The following CUX2 variants were observed in gnomAD, a reference collection of about 807,000 sequenced individuals.
The protein encoded by CUX2 is homeobox protein cut-like 2.
Under a neutral mutation model 144.8 loss-of-function variants are expected in CUX2, and 40 were observed. The observed-to-expected ratio is 0.28, with a 90% CI of 0.21 to 0.36. The LOEUF is 0.36. Ranked by LOEUF, CUX2 falls within the 10% of genes least tolerant of loss-of-function variation. The pLI is 1.00. For synonymous variants in CUX2, 827 were observed against 875.6 expected (o/e 0.94, Z 0.98); for missense variants, 1,615 against 1,994.0 (o/e 0.81, Z 3.62).
At chr12:111,136,641 G>A (rs1046945201) in intron 1 of CUX2, among the ~76,000 whole-genome samples, 4 of 152,166 alleles carry the variant, frequency 2.6e-5, no homozygotes, top group Admixed American at 6.5e-5. Context: ...TTGATGTAGC[G>A]TCCCATGGTT....
chr12:111,053,925 C>T (rs1261102358), intron 1 of CUX2, among the ~76,000 whole-genome samples: 1 of 152,174 alleles, frequency 6.6e-6, no homozygotes, highest in Non-Finnish European at 1.5e-5. Flanking sequence ...GAGGCCACGG[C>T]GGGTGGATCA....
At chr12:111,044,129 G>A (rs1869884376) in intron 1 of CUX2, among the ~76,000 whole-genome samples, 2 of 152,300 alleles carry the variant, frequency 1.3e-5, no homozygotes, top group South Asian at 4.2e-4. Context: ...GGCAGGTGCA[G>A]GTGTTGACCC....
At chr12:111,159,643 C>T (rs1877623401) in intron 1 of CUX2, among the ~76,000 whole-genome samples, 1 of 152,202 alleles carries the variant, frequency 6.6e-6, no homozygotes, top group African/African-American at 2.4e-5. Flanking sequence ...GAACTTCCAG[C>T]CCCCTTCCGG....
chr12:111,228,508 C>T (rs755792044), intron 3 of CUX2, among the ~76,000 whole-genome samples: 2 of 152,156 alleles, frequency 1.3e-5, no homozygotes, highest in Non-Finnish European at 2.9e-5. Flanking sequence ...ACTGCAACCT[C>T]CACCTCCCAG....
At chr12:111,175,348 T>A (rs981066708) in intron 1 of CUX2, among the ~76,000 whole-genome samples, 1 of 151,174 alleles carries the variant, frequency 6.6e-6, no homozygotes, top group Admixed American at 6.6e-5. Context: ...CACCTTTTTT[T>A]TTTTTTTTTT....
intron 1 of CUX2, among the ~76,000 whole-genome samples, chr12:111,063,882 A>T (rs1296805192): frequency 6.6e-6 from 1 of 152,222 alleles, no homozygotes; most frequent in Non-Finnish European, 1.5e-5. Flanking sequence ...TCATTGTGAA[A>T]AATTGGGTAA....
rs773813111 is a variant in CUX2, at chr12:111,295,384, G to A, written c.612G>A (p.Glu204=). The change falls in exon 7 of 22, where the codon GAG becomes GAA. Residue 204 remains glutamate (E), a synonymous_variant. Transcript: ENST00000261726. This position sits in a 1 kb window ranked among gnomAD's most constrained non-coding sequence, Gnocchi z 5.0. ...TGGCGGCCAGACTGGGGGAGGCAGA[G>A]GAGAAAATCAAAGTCCTACATTCAG... ...ITLAARLGEA[E]EKIKVLHSAL... 42 of 1,612,596 alleles carry A rather than the reference G, an allele frequency of 2.6e-5. No homozygotes were observed. The highest frequency in any genetic ancestry group is 5.3e-5 in the African/African-American group (4 of 74,912).
chr12:111,179,515 G>C (rs999070267), intron 1 of CUX2, among the ~76,000 whole-genome samples: 1 of 152,156 alleles, frequency 6.6e-6, no homozygotes. Flanking sequence ...CCTACTTCAT[G>C]GTGGTGTTGA....
At chr12:111,332,025 G>T (rs1041005466) in intron 18 of CUX2, among the ~76,000 whole-genome samples, 1 of 150,884 alleles carries the variant, frequency 6.6e-6, no homozygotes, top group Non-Finnish European at 1.5e-5. Flanking sequence ...GTTGCAGTGC[G>T]CCAAGATCAT....
At chr12:111,273,414 G>A (rs1884718921) in intron 4 of CUX2, among the ~76,000 whole-genome samples, 1 of 152,166 alleles carries the variant, frequency 6.6e-6, no homozygotes, top group South Asian at 2.1e-4. Flanking sequence ...ACACAGCAGA[G>A]AAGTGACGGA....
rs1309990234 is a variant in CUX2, at chr12:111,171,776, C to T, written c.64-42424C>T. On this transcript the variant is annotated intron_variant, in intron 1 of 21. Coordinates refer to ENST00000261726, the MANE Select transcript of CUX2 (RefSeq NM_015267.4). This position sits in a 1 kb window ranked among gnomAD's most constrained non-coding sequence, Gnocchi z 5.0. ...AATGGCAGGGTCCCTTTTCGCCTCC[C>T]GGGGAAGGAGCCGGAGAGAAGGCAG... Among the ~76,000 whole-genome samples, 3 of 152,314 alleles carry T rather than the reference C, an allele frequency of 2.0e-5. No individual in the cohort carries two copies. The highest frequency in any genetic ancestry group is 1.9e-4 in the East Asian group (1 of 5,188).
intron 1 of CUX2, among the ~76,000 whole-genome samples, chr12:111,213,970 G>T (rs1032338979): frequency 2.0e-5 from 3 of 151,594 alleles, no homozygotes; most frequent in Non-Finnish European, 4.4e-5. Flanking sequence ...TATTGATCTG[G>T]CCTGACTTCC....
intron 18 of CUX2, among the ~76,000 whole-genome samples, chr12:111,332,305 G>A (rs890756622): frequency 7.9e-5 from 12 of 151,150 alleles, no homozygotes; most frequent in African/African-American, 2.9e-4. Context: ...GCTAATTTTT[G>A]TATTTTTTAG....
chr12:111,262,616 C>A (rs1386575308), intron 3 of CUX2, among the ~76,000 whole-genome samples: 1 of 152,126 alleles, frequency 6.6e-6, no homozygotes, highest in African/African-American at 2.4e-5. Context: ...TGAGCTCAAA[C>A]AATCCTCCCG....
chr12:111,269,169 T>A lies in CUX2; in HGVS notation c.301+5330T>A, dbSNP rs548926772. Among the ~76,000 whole-genome samples the A allele has an allele frequency of 3.9e-5, 6 of 152,330 alleles. No homozygotes were observed. The South Asian group carries it at 1.2e-3, about 32-fold the overall frequency. On this transcript the variant is annotated intron_variant, in intron 4 of 21. Coordinates refer to ENST00000261726, the MANE Select transcript of CUX2 (RefSeq NM_015267.4). ...CAGGTGCTTACTAAGTGTTAACTAT[T>A]CTCCTTATCATATATGTGTCCAGCT...
At position 111,238,186 on chromosome 12, in the gene CUX2, C is replaced by T. The variant is rs1027118585; in HGVS notation, c.222+20249C>T. ...CATGCCTTCCCAGGACCTTTTACAA[C>T]GCTTAGCACAGTCTGTAATTATATG... is the stretch of plus-strand genomic sequence containing the variant. On this transcript the variant is annotated intron_variant, in intron 3 of 21. Transcript: ENST00000261726. Among the ~76,000 whole-genome samples the T allele has an allele frequency of 6.6e-5, 10 of 152,234 alleles. 1 individual carries two copies. The highest frequency in any genetic ancestry group is 2.2e-4 in the African/African-American group (9 of 41,458).
At chr12:111,205,366 C>T (rs1269118288) in intron 1 of CUX2, among the ~76,000 whole-genome samples, 2 of 152,152 alleles carry the variant, frequency 1.3e-5, no homozygotes, top group Non-Finnish European at 2.9e-5. Context: ...GAAGGACCTC[C>T]ATGGGCCCAA....
In CUX2 at chr12:111,298,555, G is replaced by T; in HGVS notation, c.719G>T (p.Gly240Val). 6.3e-7 allele frequency: 1 copy of T among 1,579,948 alleles called. No homozygotes were observed. The highest frequency in any genetic ancestry group is 1.8e-5 in the Admixed American group (1 of 54,988). ...TTGTGTCTCAGGGCAGATGAAGTCG[G>T]CCTGATCATGACCAACCTGGAGAAA... ...EEAASKADEV[G>V]LIMTNLEKAN... The change falls in exon 9 of 22, where the codon GGC becomes GTC. Residue 240 changes from glycine to valine, a missense_variant. Gly to Val is a moderately radical substitution (Grantham distance 109). Transcript: ENST00000261726.
intron 21 of CUX2, among the ~76,000 whole-genome samples, chr12:111,343,151 T>C (rs546167519): frequency 2.0e-5 from 3 of 151,930 alleles, no homozygotes; most frequent in African/African-American, 4.8e-5. Flanking sequence ...GATCCCTGAT[T>C]TGGGGCTCCT....
Sources: allele counts gnomAD v4.1 joint callset (sites outside exome capture counted in the v4.1 genomes callset), GRCh38; gene constraint gnomAD v4.1.1; non-coding constraint Gnocchi (gnomAD v3.1); transcripts MANE v1.5; gene names NCBI Gene and HGNC (gene_info 2026-07-23, HGNC 2026-07-21).